Variants in RNPS1 observed in about 807,000 individuals in gnomAD.
The protein encoded by RNPS1 is RNA-binding protein with serine-rich domain 1.
For missense variants in RNPS1, 300 were observed against 427.6 expected, an observed-to-expected ratio of 0.70 and a Z score of 2.63; for synonymous variants, 147 against 150.0, an observed-to-expected ratio of 0.98 and a Z score of 0.15.
In RNPS1 at chr16:2,264,040, C is replaced by T. The variant is rs1234016197; in HGVS notation, c.227+136G>A. On this transcript the variant is annotated intron_variant, in intron 3 of 7. Coordinates refer to ENST00000320225, the MANE Select transcript of RNPS1 (RefSeq NM_080594.4). ...CCACCACTGCACCTAGCCAGTCTGC[C>T]ATAAATTAGGGTCTCTACTAACAAT... 8.3e-6 allele frequency: 9 copies of T among 1,089,072 alleles called. No individual in the cohort carries two copies. The East Asian group carries it at 2.0e-4, about 24-fold the overall frequency. The allele number at this position is 1,089,072 out of a possible 1,614,324, so 67.5% of individuals were successfully genotyped here. A position where few individuals can be genotyped will look rare whatever the true frequency, so the allele number is the denominator to read the frequency against.
At chr16:2,264,895 C>G (rs2093618985) in intron 1 of RNPS1, 135 bp from the exon 2 acceptor site, 1 of 601,270 alleles carries the variant, frequency 1.7e-6, no homozygotes, top group African/African-American at 1.9e-5. Flanking sequence ...CAGTCAGGAA[C>G]ACATAGGGAC....
intron 6 of RNPS1, among the ~76,000 whole-genome samples, chr16:2,258,959 C>A (rs1389064821): frequency 1.3e-5 from 2 of 151,870 alleles, no homozygotes; most frequent in African/African-American, 4.8e-5. Flanking sequence ...CATGTCTCTA[C>A]TAAAAATACA....
chr16:2,262,237 G>A (rs544800515), intron 6 of RNPS1, 41 bp downstream of exon 6: 36 of 1,583,054 alleles, frequency 2.3e-5, no homozygotes, highest in Middle Eastern at 2.3e-4. Context: ...TCGCGGCGGC[G>A]GGTCTCTGAG....
chr16:2,264,194 C>T lies in RNPS1; in HGVS notation c.209G>A (p.Ser70Asn), dbSNP rs747539903. ...GCCCCACCTGGTACTGCTGCTACCA[C>T]TGGAAGCGCTGCGCCTCTTTCGGGT... ...DKTRKRRSAS[S>N]GSSSTRSRSS... Residue 70 changes from serine to asparagine, a missense_variant, in exon 3 of 8, where the codon AGT (serine) becomes AAT (asparagine). Coordinates refer to ENST00000320225, the MANE Select transcript of RNPS1 (RefSeq NM_080594.4). The T allele has an allele frequency of 3.7e-5, 60 of 1,613,208 alleles. No individual in the cohort carries two copies. Among genetic ancestry groups the T allele is most frequent in the Non-Finnish European group, 5.0e-5 (59 of 1,180,056 alleles).
intron 1 of RNPS1, chr16:2,266,835 A>C: frequency 2.1e-6 from 1 of 470,774 alleles, no homozygotes; most frequent in Non-Finnish European, 2.8e-6. Flanking sequence ...TCCAACATAT[A>C]ATCAACATAA....
rs1438150681 is a variant in RNPS1 at position 2,254,738 on chromosome 16, AC to A, written c.819-676del. On this transcript the variant is annotated intron_variant, in intron 7 of 7. Coordinates refer to ENST00000320225, the MANE Select transcript of RNPS1 (RefSeq NM_080594.4). The stretch of plus-strand genomic sequence containing the variant: ...TTGCTACCACACGTGGCAAAGTTTT[AC>A]CTTTTTTTTTTTTTTTTTTTGAGAT... Among the ~76,000 whole-genome samples the A allele has an allele frequency of 4.8e-3, 406 of 84,626 alleles. 1 individual carries two copies. Among genetic ancestry groups the A allele is most frequent in the Non-Finnish European group, 7.3e-3 (301 of 41,314 alleles). 55.5% of individuals were successfully genotyped at this position (84,626 alleles called of 152,430 possible).
intron 7 of RNPS1, among the ~76,000 whole-genome samples, chr16:2,255,327 G>A (rs146063604): frequency 6.6e-6 from 1 of 152,324 alleles, no homozygotes; most frequent in Non-Finnish European, 1.5e-5. Flanking sequence ...CACAGGTCTA[G>A]TGGTCTCCTA....
At chr16:2,258,876 G>A (rs2141555496) in intron 6 of RNPS1, 1 of 151,994 alleles carries the variant, frequency 6.6e-6, no homozygotes. Context: ...AATCCCAGCT[G>A]CTTTGGGAGG....
chr16:2,260,563 A>G (rs2093599023), intron 6 of RNPS1, among the ~76,000 whole-genome samples: 1 of 152,164 alleles, frequency 6.6e-6, no homozygotes, highest in South Asian at 2.1e-4. Flanking sequence ...GAGGGAAGTA[A>G]AACATGCCAC....
At chr16:2,260,697 G>A (rs1318184160) in intron 6 of RNPS1, among the ~76,000 whole-genome samples, 1 of 152,114 alleles carries the variant, frequency 6.6e-6, no homozygotes, top group Non-Finnish European at 1.5e-5. Flanking sequence ...TATTATCTCA[G>A]ATAAAAGGCC....
chr16:2,267,302 C>A (rs2093628824), intron 1 of RNPS1: 2 of 984,878 alleles, frequency 2.0e-6, no homozygotes, highest in Middle Eastern at 5.2e-4. Flanking sequence ...CGGCACAAAT[C>A]TTCAGAGCAC....
rs147636728 is a variant in RNPS1, at chr16:2,260,947, G to A, written c.676+1331C>T. Among the ~76,000 whole-genome samples the A allele has an allele frequency of 7.8e-3, 1,185 of 152,154 alleles. 12 individuals carry two copies. Among genetic ancestry groups the A allele is most frequent in the African/African-American group, 0.026 (1,098 of 41,506 alleles). On this transcript the variant is annotated intron_variant, in intron 6 of 7. Transcript: ENST00000320225. Reference sequence around the variant, plus strand: ...AGATCCAGACCATCCTGGCTAACACGGTGAAACCCCGTCTCTACTAAAAAT... The same window carrying A: ...AGATCCAGACCATCCTGGCTAACACAGTGAAACCCCGTCTCTACTAAAAAT...
chr16:2,256,084 C>T (rs1054122109), intron 6 of RNPS1: 6 of 237,498 alleles, frequency 2.5e-5, no homozygotes, highest in Non-Finnish European at 5.0e-5. Context: ...GAGATCGTGC[C>T]ACTACACTCC....
rs1382636925 is a variant in RNPS1 at position 2,255,638 on chromosome 16, T to C, written c.765A>G (p.Arg255=). ...GCCACATAGGCGGTGGTGGCAACAT[T>C]CTCCTGGGAGGGCTGAATCTCCTGG... is the stretch of plus-strand genomic sequence containing the variant. ...PPPRRFSPPR[R]MLPPPPMWRR... The change falls in exon 7 of 8, where the codon AGA becomes AGG. Residue 255 remains arginine, a synonymous_variant. Transcript: ENST00000320225. The C allele has an allele frequency of 6.2e-6, 10 of 1,610,022 alleles. No homozygotes were observed. Among genetic ancestry groups the C allele is most frequent in the Non-Finnish European group, 8.5e-6 (10 of 1,178,362 alleles).
chr16:2,264,329 G>A lies in RNPS1; in HGVS notation c.74C>T (p.Ala25Val), dbSNP rs1434598756. Residue 25 changes from alanine to valine, a missense_variant and splice_region_variant, in exon 3 of 8, where the codon GCT (alanine) becomes GTT (valine). Coordinates refer to ENST00000320225, the MANE Select transcript of RNPS1 (RefSeq NM_080594.4). ...GTCTTTGCGTTTGGTAGGTGAAGGA[G>A]CCCTGGATGGTGAGGAAGAGTGTGA... The part of the protein sequence containing the change: ...KENNKKSSTR[A>V]PSPTKRKDRS... 1 of 1,614,056 alleles carries A rather than the reference G, an allele frequency of 6.2e-7. No individual in the cohort carries two copies. The highest frequency in any genetic ancestry group is 1.3e-5 in the African/African-American group (1 of 74,908).
chr16:2,265,358 ATT>A (rs1185015388), intron 1 of RNPS1: 2 of 152,234 alleles, frequency 1.3e-5, no homozygotes, highest in East Asian at 3.8e-4. Flanking sequence ...TAATATGCAT[ATT>A]GAGTGCAGGG....
rs1473321576 is a variant in RNPS1, at chr16:2,253,996, T to C, written c.886A>G (p.Arg296Gly). The C allele has an allele frequency of 4.5e-6, 7 of 1,541,272 alleles. No homozygotes were observed. The highest frequency in any genetic ancestry group is 6.1e-6 in the Non-Finnish European group (7 of 1,141,958). Residue 296 changes from arginine to glycine, a missense_variant, in exon 8 of 8, where the codon AGG becomes GGG. Arg to Gly is a moderately radical substitution (Grantham distance 125). Transcript: ENST00000320225. ...GAGGAGTTGGAGCTGGAGCGGCTCC[T>C]GTGGCGGCGGCGGCCCGGGGACCGT... Reference protein sequence around the residue: ...RSRSPGRRRHRSRSSSNSSR With the variant: ...RSRSPGRRRHGSRSSSNSSR
chr16:2,258,414 A>G (rs1353955422), intron 6 of RNPS1: 1 of 152,246 alleles, frequency 6.6e-6, no homozygotes, highest in Non-Finnish European at 1.5e-5. Flanking sequence ...CTTTTCGGTA[A>G]TCACACACCC....
In RNPS1 at chr16:2,253,701, T is replaced by C; in HGVS notation, c.*263A>G. 1.7e-6 allele frequency: 1 copy of C among 576,326 alleles called. No individual in the cohort carries two copies. Among genetic ancestry groups the C allele is most frequent in the Non-Finnish European group, 3.1e-6 (1 of 322,166 alleles). 35.7% of individuals were successfully genotyped at this position (576,326 alleles called of 1,614,324 possible). A position where few individuals can be genotyped will look rare whatever the true frequency, so the allele number is the denominator to read the frequency against. On this transcript the variant is annotated 3_prime_UTR_variant, in exon 8 of 8. Transcript: ENST00000320225. ...GAGCCTCACTTTTCCCTGGTGGCTC[T>C]GCCACTGAACTGACTCTTAGAAACC...
Sources: allele counts gnomAD v4.1 joint callset (sites outside exome capture counted in the v4.1 genomes callset), GRCh38; gene constraint gnomAD v4.1.1; transcripts MANE v1.5; gene names NCBI Gene and HGNC (gene_info 2026-07-23, HGNC 2026-07-21).